CNTNAP2: variants seen among roughly 807,000 people sequenced by gnomAD.
CNTNAP2 encodes the protein contactin associated protein 2.
A neutral mutation model predicts 155.2 loss-of-function variants in CNTNAP2; 98 were observed. The observed-to-expected ratio is 0.63, with a 90% CI of 0.54 to 0.75. The LOEUF (loss-of-function observed/expected upper bound fraction) is 0.75. Among genes scored for constraint, CNTNAP2 ranks in the 30% least tolerant of loss-of-function variants. The pLI, the probability that CNTNAP2 is intolerant of heterozygous loss-of-function variation, is 0.00. For missense variants in CNTNAP2, 1,727 were observed against 1,688.1 expected (o/e 1.02, Z -0.40); for synonymous variants, 651 against 631.2 (o/e 1.03, Z -0.47).
At chr7:146,190,611 A>G (rs1798689086) in intron 1 of CNTNAP2, among the ~76,000 whole-genome samples, 1 of 152,176 alleles carries the variant, frequency 6.6e-6, no homozygotes, top group Non-Finnish European at 1.5e-5. Context: ...ATCAGGATTG[A>G]TGCATTCAGA....
At chr7:146,164,572 T>G (rs960553735) in intron 1 of CNTNAP2, among the ~76,000 whole-genome samples, 7 of 152,218 alleles carry the variant, frequency 4.6e-5, no homozygotes, top group African/African-American at 1.4e-4. Context: ...ATAACAACTC[T>G]TGATGAACTT....
intron 13 of CNTNAP2, among the ~76,000 whole-genome samples, chr7:147,723,906 T>C (rs551404855): frequency 9.2e-5 from 14 of 152,094 alleles, no homozygotes; most frequent in East Asian, 1.9e-4. Flanking sequence ...ATCCTCTCTT[T>C]TAGGAATTCT....
Position 148,023,218 on chromosome 7 carries a change from C to T in CNTNAP2, c.2383+45229C>T, listed in dbSNP as rs117152732. 8.3e-4 allele frequency among the ~76,000 whole-genome samples: 126 copies of T among 152,214 alleles called. No homozygotes were observed. In the East Asian group the frequency reaches 0.021, roughly 25 times the overall value. ...AAAGGGGAGACAAATGTCTCTTGAG[C>T]GATGCACAAAATACATTATAAGCCT... On this transcript the variant is annotated intron_variant, in intron 15 of 23. Transcript: ENST00000361727.
intron 13 of CNTNAP2, among the ~76,000 whole-genome samples, chr7:147,877,483 G>A (rs767129267): frequency 1.3e-5 from 2 of 152,156 alleles, no homozygotes; most frequent in African/African-American, 2.4e-5. Context: ...ATTTGAAACC[G>A]AAGTAAATAT....
chr7:146,122,652 CCATT>C (rs10656546), intron 1 of CNTNAP2, among the ~76,000 whole-genome samples: 4 of 151,010 alleles, frequency 2.6e-5, no homozygotes, highest in Admixed American at 6.6e-5. Context: ...CCAAACTCTC[CCATT>C]CATTCATTCA....
chr7:147,060,903 A>G (rs1174506289), intron 4 of CNTNAP2, among the ~76,000 whole-genome samples: 11 of 152,142 alleles, frequency 7.2e-5, no homozygotes, highest in African/African-American at 2.7e-4. Flanking sequence ...AAACTGCGCA[A>G]AAATTACATC....
intron 18 of CNTNAP2, among the ~76,000 whole-genome samples, chr7:148,215,734 G>A (rs1795628039): frequency 2.0e-5 from 3 of 152,114 alleles, no homozygotes; most frequent in Middle Eastern, 6.8e-3. Flanking sequence ...CCACCTATGA[G>A]GTCCCATTTT....
At chr7:146,944,997 C>G (rs570435014) in intron 3 of CNTNAP2, among the ~76,000 whole-genome samples, 1 of 152,200 alleles carries the variant, frequency 6.6e-6, no homozygotes, top group East Asian at 1.9e-4. Context: ...GTTGGCATTT[C>G]TTTTTATATT....
At chr7:147,212,705 C>T (rs1379643123) in intron 8 of CNTNAP2, among the ~76,000 whole-genome samples, 1 of 152,100 alleles carries the variant, frequency 6.6e-6, no homozygotes, top group Admixed American at 6.6e-5. Flanking sequence ...ACCCATACAA[C>T]ACACTTGAAC....
chr7:146,671,887 A>G (rs947878769), intron 1 of CNTNAP2, among the ~76,000 whole-genome samples: 1 of 151,704 alleles, frequency 6.6e-6, no homozygotes, highest in African/African-American at 2.4e-5. Context: ...GTGATCTCAG[A>G]TCACTGCAAC....
chr7:146,236,191 GAAGT>G (rs780656858), intron 1 of CNTNAP2, among the ~76,000 whole-genome samples: 7 of 152,112 alleles, frequency 4.6e-5, no homozygotes, highest in East Asian at 3.9e-4. Context: ...GAATTAAATA[GAAGT>G]AAGAGTCAAA....
chr7:148,182,146 T>C (rs2116705251), intron 18 of CNTNAP2, among the ~76,000 whole-genome samples: 1 of 152,314 alleles, frequency 6.6e-6, no homozygotes. Context: ...TTGTTGAGTG[T>C]TTTTATTTCC....
chr7:147,475,637 TA>T (rs1038414895), intron 10 of CNTNAP2, among the ~76,000 whole-genome samples: 20 of 149,886 alleles, frequency 1.3e-4, no homozygotes, highest in South Asian at 4.2e-4. Context: ...ACTCAAGATT[TA>T]AAAAAAAAAT....
At chr7:146,464,345 G>A (rs1196511091) in intron 1 of CNTNAP2, among the ~76,000 whole-genome samples, 2 of 151,972 alleles carry the variant, frequency 1.3e-5, no homozygotes, top group East Asian at 3.9e-4. Context: ...GCTTTGGAAG[G>A]AAATTGTCTC....
At chr7:147,059,104 GTCATAAGAATTTGAATGATAC>G (rs1468773510) in intron 4 of CNTNAP2, among the ~76,000 whole-genome samples, 2 of 152,178 alleles carry the variant, frequency 1.3e-5, no homozygotes, top group Non-Finnish European at 2.9e-5. Flanking sequence ...TCTTAGGGTT[GTCATAAGAATTTGAATGATAC>G]ATGTGAATGC....
intron 11 of CNTNAP2, among the ~76,000 whole-genome samples, chr7:147,511,639 A>G (rs77285280): frequency 0.019 from 2,927 of 152,162 alleles, 86 homozygotes; most frequent in African/African-American, 0.067. Flanking sequence ...AAAGAGAGAA[A>G]GGAGACTAAA....
chr7:146,293,892 C>T (rs1800471501), intron 1 of CNTNAP2, among the ~76,000 whole-genome samples: 1 of 151,918 alleles, frequency 6.6e-6, no homozygotes, highest in Non-Finnish European at 1.5e-5. Context: ...TTTAATAAAG[C>T]CTTTTCTCTA....
chr7:147,928,233 C>T (rs752326463), intron 14 of CNTNAP2, among the ~76,000 whole-genome samples: 5 of 151,988 alleles, frequency 3.3e-5, no homozygotes, highest in Non-Finnish European at 5.9e-5. Flanking sequence ...TACCCAGTCT[C>T]GGGTAATTAG....
chr7:148,284,249 G>T (rs1797041622), intron 21 of CNTNAP2, among the ~76,000 whole-genome samples: 1 of 152,132 alleles, frequency 6.6e-6, no homozygotes, highest in Admixed American at 6.5e-5. Context: ...GGACCCGATG[G>T]GAGATAATTG....
Sources: allele counts gnomAD v4.1 joint callset (sites outside exome capture counted in the v4.1 genomes callset), GRCh38; gene constraint gnomAD v4.1.1; transcripts MANE v1.5; gene names NCBI Gene and HGNC (gene_info 2026-07-23, HGNC 2026-07-21).